ATP2B4: variants seen among roughly 807,000 people sequenced by gnomAD.
ATP2B4 encodes plasma membrane calcium-transporting ATPase 4.
A neutral mutation model predicts 110.3 loss-of-function variants in ATP2B4; 39 were observed. The observed-to-expected ratio is 0.35, with a 90% CI of 0.27 to 0.46. ATP2B4 has a LOEUF of 0.46. Among genes scored for constraint, ATP2B4 ranks in the 20% least tolerant of loss-of-function variants. The pLI, the probability that ATP2B4 is intolerant of heterozygous loss-of-function variation, is 1.00. For missense variants in ATP2B4, 1,135 were observed against 1,530.9 expected, an observed-to-expected ratio of 0.74 and a Z score of 4.32; for synonymous variants, 538 against 571.7, an observed-to-expected ratio of 0.94 and a Z score of 0.84.
At chr1:203,635,508 A>G (rs1254140910) in intron 1 of ATP2B4, among the ~76,000 whole-genome samples, 1 of 152,114 alleles carries the variant, frequency 6.6e-6, no homozygotes, top group Non-Finnish European at 1.5e-5. Flanking sequence ...TACAAAATAA[A>G]AAATTAGCTG....
chr1:203,672,818 G>A (rs1664715201), intron 1 of ATP2B4, among the ~76,000 whole-genome samples: 1 of 152,200 alleles, frequency 6.6e-6, no homozygotes, highest in Non-Finnish European at 1.5e-5. Context: ...ACTGGAACCT[G>A]AAAGGGGCCT....
intron 20 of ATP2B4, 102 bp downstream of exon 20, chr1:203,727,673 C>T: frequency 6.9e-7 from 1 of 1,439,388 alleles, no homozygotes; most frequent in Non-Finnish European, 9.5e-7. Flanking sequence ...CTCTTCCCTT[C>T]CAAAGGCTCA....
chr1:203,717,326 G>C (rs1666185268), intron 15 of ATP2B4, among the ~76,000 whole-genome samples: 3 of 151,994 alleles, frequency 2.0e-5, no homozygotes, highest in Admixed American at 2.0e-4. Flanking sequence ...TGACTTTTTA[G>C]GAACCTCCAA....
chr1:203,704,599 G>A (rs1340685432), intron 8 of ATP2B4, among the ~76,000 whole-genome samples: 1 of 145,618 alleles, frequency 6.9e-6, no homozygotes. Context: ...TCCTGCCTCA[G>A]CCACCCAAGT....
intron 1 of ATP2B4, among the ~76,000 whole-genome samples, chr1:203,628,456 C>T (rs1045702071): frequency 6.6e-6 from 1 of 152,190 alleles, no homozygotes; most frequent in African/African-American, 2.4e-5. Context: ...GACGTGATGC[C>T]GGCGCCTGCT....
At chr1:203,695,952 CAG>C (rs1291351340) in intron 2 of ATP2B4, among the ~76,000 whole-genome samples, 2 of 152,114 alleles carry the variant, frequency 1.3e-5, no homozygotes, top group Non-Finnish European at 2.9e-5. Flanking sequence ...TTTTTTGAGA[CAG>C]AGTCTCTCTC....
At chr1:203,723,828 A>G (rs1666420923) in intron 18 of ATP2B4, 53 bp from the exon 19 acceptor site, 2 of 1,456,618 alleles carry the variant, frequency 1.4e-6, no homozygotes, top group African/African-American at 2.9e-5. Context: ...CTGGAGGGCC[A>G]GCTGCCTGTT....
Position 203,714,258 on chromosome 1 carries a change from C to T in ATP2B4, c.2387C>T (p.Ala796Val), listed in dbSNP as rs887257635. ...AATGACGGGCCTGCTCTGAAGAAAG[C>T]GGATGTTGGTTTTGCCATGGTAAGC... The part of the protein sequence containing the change: ...GTNDGPALKK[A>V]DVGFAMGIAG... Residue 796 changes from alanine to valine, a missense_variant, in exon 15 of 21, where the codon GCG becomes GTG. Transcript: ENST00000357681. The T allele has an allele frequency of 4.3e-6, 7 of 1,613,976 alleles. No individual in the cohort carries two copies. Among genetic ancestry groups the T allele is most frequent in the South Asian group, 1.1e-5 (1 of 91,066 alleles).
rs955928975 is a variant in ATP2B4, at chr1:203,629,340, A to G, written c.-465+2121A>G. Among the ~76,000 whole-genome samples, 5 of 152,142 alleles carry G rather than the reference A, an allele frequency of 3.3e-5. No homozygotes were observed. Among genetic ancestry groups the G allele is most frequent in the African/African-American group, 1.2e-4 (5 of 41,434 alleles). ...CCTGCCACCATCTTGCTGAGGTGCA[A>G]CCTCGAAAATCACGCCGCTTTCGCC... On this transcript the variant is annotated intron_variant, in intron 1 of 20. Coordinates refer to ENST00000357681, the MANE Select transcript of ATP2B4 (RefSeq NM_001684.5). The surrounding 1 kb of genome is among the most constrained non-coding windows in gnomAD (Gnocchi z 4.6).
chr1:203,711,851 C>T, intron 12 of ATP2B4, 109 bp from the exon 13 acceptor site: 1 of 1,280,340 alleles, frequency 7.8e-7, no homozygotes, highest in East Asian at 2.3e-5. Context: ...CATGGCACCA[C>T]TTCTAGGGTG....
chr1:203,719,908 C>T (rs1327611835), intron 15 of ATP2B4, among the ~76,000 whole-genome samples: 1 of 151,764 alleles, frequency 6.6e-6, no homozygotes, highest in Non-Finnish European at 1.5e-5. Context: ...CCCATGTCTA[C>T]AAAAAATTTA....
rs760570158 is a variant in ATP2B4, at chr1:203,698,164, T to G, written c.201T>G (p.Ser67=). ...CTCCTATCTCCTTTTCAGGTCTGTC[T>G]GGGAACCCTGCAGATCTGGAGAAAC... ...RLKTSPVEGL[S]GNPADLEKRR... Residue 67 remains serine (S), a synonymous_variant, in exon 3 of 21, where the codon TCT becomes TCG. Coordinates refer to ENST00000357681, the MANE Select transcript of ATP2B4 (RefSeq NM_001684.5). 6 of 1,614,160 alleles carry G rather than the reference T, an allele frequency of 3.7e-6. No individual in the cohort carries two copies. The South Asian group carries it at 5.5e-5, about 15-fold the overall frequency.
At chr1:203,653,044 G>A (rs565619334) in intron 1 of ATP2B4, among the ~76,000 whole-genome samples, 2 of 152,318 alleles carry the variant, frequency 1.3e-5, no homozygotes, top group African/African-American at 4.8e-5. Context: ...GTACCAGTTA[G>A]CCAAGCTGTG....
chr1:203,660,730 C>T (rs1274002918), intron 1 of ATP2B4, among the ~76,000 whole-genome samples: 1 of 151,662 alleles, frequency 6.6e-6, no homozygotes, highest in Non-Finnish European at 1.5e-5. Flanking sequence ...ACCTGGGAGA[C>T]GGAGGTTGCA....
At position 203,629,317 on chromosome 1, in the gene ATP2B4, T is replaced by C. The variant is rs1663188832; in HGVS notation, c.-465+2098T>C. Among the ~76,000 whole-genome samples the C allele has an allele frequency of 6.6e-6, 1 of 152,212 alleles. No individual in the cohort carries two copies. The highest frequency in any genetic ancestry group is 2.1e-4 in the South Asian group (1 of 4,832). On this transcript the variant is annotated intron_variant, in intron 1 of 20. Coordinates refer to ENST00000357681, the MANE Select transcript of ATP2B4 (RefSeq NM_001684.5). The surrounding 1 kb of genome is among the most constrained non-coding windows in gnomAD (Gnocchi z 4.6). ...TCCTCCTCGGGAGTCCCATCCTCCC[T>C]GCCACCATCTTGCTGAGGTGCAACC...
At chr1:203,727,008 G>A (rs890628963) in intron 19 of ATP2B4, among the ~76,000 whole-genome samples, 10 of 152,100 alleles carry the variant, frequency 6.6e-5, no homozygotes, top group African/African-American at 2.4e-4. Context: ...TTTTCCCCCA[G>A]GTCCTGGTCT....
intron 1 of ATP2B4, among the ~76,000 whole-genome samples, chr1:203,636,002 G>T (rs1296283088): frequency 6.6e-6 from 1 of 152,206 alleles, no homozygotes; most frequent in Admixed American, 6.5e-5. Flanking sequence ...ACAAAGGGAG[G>T]TAGGATGACA....
At chr1:203,717,204 CAA>C (rs910427996) in intron 15 of ATP2B4, among the ~76,000 whole-genome samples, 8 of 152,048 alleles carry the variant, frequency 5.3e-5, no homozygotes, top group African/African-American at 1.9e-4. Flanking sequence ...TCTCAAAAAA[CAA>C]AAGAGATTCC....
chr1:203,653,753 C>T (rs1403609010), intron 1 of ATP2B4, among the ~76,000 whole-genome samples: 1 of 151,858 alleles, frequency 6.6e-6, no homozygotes, highest in Non-Finnish European at 1.5e-5. Context: ...GACGGGGTTT[C>T]ACCATATTGG....
Sources: gnomAD v4.1 joint callset for allele counts (sites outside exome capture counted in the v4.1 genomes callset) on GRCh38, gnomAD v4.1.1 for gene constraint, Gnocchi (gnomAD v3.1) non-coding constraint, MANE v1.5 for transcripts, NCBI Gene and HGNC (gene_info 2026-07-23, HGNC 2026-07-21) for gene names.